Variants in CSMD3 observed in about 807,000 individuals in gnomAD.
CSMD3 encodes CUB and sushi domain-containing protein 3.
CSMD3 carries 177 observed loss-of-function variants against 435.2 expected under a neutral mutation model. The ratio of observed to expected loss-of-function variants is 0.41; its 90% CI spans 0.36 to 0.46. The LOEUF (loss-of-function observed/expected upper bound fraction) is 0.46. CSMD3 is among the 20% of genes least tolerant of loss of function. The probability of loss-of-function intolerance (pLI) is 0.34; values close to 1 mark genes in which losing one functional copy is unlikely to be tolerated. For missense variants in CSMD3, 4,265 were observed against 4,504.6 expected (o/e 0.95, Z 1.52); for synonymous variants, 1,656 against 1,520.5 (o/e 1.09, Z -2.07).
At chr8:112,988,050 G>A (rs2085318592) in intron 6 of CSMD3, among the ~76,000 whole-genome samples, 1 of 151,974 alleles carries the variant, frequency 6.6e-6, no homozygotes, top group Non-Finnish European at 1.5e-5. Context: ...CCTCACTCAG[G>A]CTTATCATGG....
Position 112,224,893 on chromosome 8 carries a change from G to T in CSMD3, c.11002C>A (p.His3668Asn). 6.2e-7 allele frequency: 1 copy of T among 1,614,026 alleles called. No homozygotes were observed. The highest frequency in any genetic ancestry group is 8.5e-7 in the Non-Finnish European group (1 of 1,179,920). ...PKTQYTGCSV[H>N]ENNNGQAAFE... Reference sequence around the variant, plus strand: ...GCTGCTTGGCCATTGTTATTTTCATGAACTGAACATCCTGTATACTGTGTT... The same window carrying T: ...GCTGCTTGGCCATTGTTATTTTCATTAACTGAACATCCTGTATACTGTGTT... Residue 3668 changes from histidine (H) to asparagine (N), a missense_variant, in exon 71 of 71, where the codon CAT becomes AAT. Transcript: ENST00000297405.
chr8:112,363,441 A>G (rs1467289457), intron 38 of CSMD3, among the ~76,000 whole-genome samples: 1 of 151,888 alleles, frequency 6.6e-6, no homozygotes, highest in East Asian at 1.9e-4. Flanking sequence ...ATATATAAAT[A>G]TTTATATAAA....
intron 11 of CSMD3, among the ~76,000 whole-genome samples, chr8:112,855,874 A>G (rs1407108208): frequency 7.5e-6 from 1 of 133,574 alleles, no homozygotes; most frequent in Non-Finnish European, 1.6e-5. Flanking sequence ...GGAATTTCCT[A>G]TTCTAATTCT....
intron 45 of CSMD3, among the ~76,000 whole-genome samples, chr8:112,332,950 A>G (rs1316719222): frequency 6.6e-6 from 1 of 152,164 alleles, no homozygotes; most frequent in Non-Finnish European, 1.5e-5. Flanking sequence ...AAAATTGCCC[A>G]TAGGATTTTT....
intron 3 of CSMD3, among the ~76,000 whole-genome samples, chr8:113,176,793 C>A (rs538736551): frequency 6.6e-6 from 1 of 151,718 alleles, no homozygotes; most frequent in East Asian, 1.9e-4. Flanking sequence ...CTAATGCATG[C>A]TGGGCTCAAT....
chr8:112,762,248 G>A (rs2077857659), intron 13 of CSMD3, among the ~76,000 whole-genome samples: 1 of 151,858 alleles, frequency 6.6e-6, no homozygotes, highest in African/African-American at 2.4e-5. Flanking sequence ...AGAGACTTAA[G>A]TTCTAGTTTT....
Position 112,917,247 on chromosome 8 carries a change from T to G in CSMD3, c.1633+4380A>C, listed in dbSNP as rs78720594. Among the ~76,000 whole-genome samples, 437 of 152,062 alleles carry G rather than the reference T, an allele frequency of 2.9e-3. 4 individuals carry two copies. Among genetic ancestry groups the G allele is most frequent in the African/African-American group, 9.9e-3 (413 of 41,538 alleles). ...GTTGAAGAAGCAAGTCTACTGTCCA[T>G]GAAATGATTAGGGAGCATTGCCAAA... On this transcript the variant is annotated intron_variant, in intron 10 of 70. Transcript: ENST00000297405.
intron 35 of CSMD3, among the ~76,000 whole-genome samples, chr8:112,397,752 T>C (rs571378666): frequency 5.3e-5 from 8 of 152,270 alleles, no homozygotes; most frequent in African/African-American, 1.7e-4. Flanking sequence ...AATACTATCA[T>C]CTTATGGGTT....
At chr8:112,893,846 C>T (rs1348366106) in intron 10 of CSMD3, among the ~76,000 whole-genome samples, 2 of 151,296 alleles carry the variant, frequency 1.3e-5, no homozygotes, top group East Asian at 3.9e-4. Flanking sequence ...AGTGGGTTTA[C>T]AAAGTAATAT....
At chr8:113,337,610 A>C (rs1338751721) in intron 1 of CSMD3, among the ~76,000 whole-genome samples, 1 of 152,092 alleles carries the variant, frequency 6.6e-6, no homozygotes, top group Non-Finnish European at 1.5e-5. Context: ...AGCACAAGAG[A>C]AAATTTAAAA....
chr8:113,300,530 C>CT (rs1007916098), intron 2 of CSMD3, among the ~76,000 whole-genome samples: 1 of 152,118 alleles, frequency 6.6e-6, no homozygotes, highest in African/African-American at 2.4e-5. Context: ...AAATCATGTT[C>CT]TTTGCAGCCA....
Position 112,228,837 on chromosome 8 carries a change from C to A in CSMD3, c.10883G>T (p.Ser3628Ile). 6.3e-7 allele frequency: 1 copy of A among 1,590,424 alleles called. No individual in the cohort carries two copies. The highest frequency in any genetic ancestry group is 8.6e-7 in the Non-Finnish European group (1 of 1,159,262). The change falls in exon 70 of 71, where the codon AGT becomes ATT. Residue 3628 changes from serine (S) to isoleucine (I), a missense_variant. Physicochemically the swap from Ser to Ile is moderately radical, Grantham distance 142 (BLOSUM62 -2). Coordinates refer to ENST00000297405, the MANE Select transcript of CSMD3 (RefSeq NM_198123.2). ...AAGAATAGCAATGGCTACAGAACTA[C>A]TATTTGTACCATGAGGTTGATTTGA... ...NSSNQPHGTN[S>I]SSVAIAILVP...
intron 22 of CSMD3, among the ~76,000 whole-genome samples, chr8:112,628,103 T>C (rs912724209): frequency 6.6e-6 from 1 of 152,180 alleles, no homozygotes; most frequent in African/African-American, 2.4e-5. Context: ...TCTAATTTCA[T>C]TAAATAGGAC....
intron 6 of CSMD3, among the ~76,000 whole-genome samples, chr8:112,997,692 A>G (rs567513023): frequency 2.4e-4 from 37 of 151,728 alleles, no homozygotes; most frequent in Non-Finnish European, 4.7e-4. Context: ...TAAAAGTTTG[A>G]TAGATTGCTT....
At chr8:112,783,969 GAGAT>G (rs2078469724) in intron 13 of CSMD3, among the ~76,000 whole-genome samples, 1 of 151,958 alleles carries the variant, frequency 6.6e-6, no homozygotes, top group African/African-American at 2.4e-5. Flanking sequence ...GCTAAAGAAA[GAGAT>G]AGATTCTAAT....
intron 4 of CSMD3, among the ~76,000 whole-genome samples, chr8:113,168,200 T>A (rs2092191203): frequency 6.6e-6 from 1 of 152,024 alleles, no homozygotes; most frequent in Non-Finnish European, 1.5e-5. Flanking sequence ...AGATGACAGT[T>A]TACAATGGTT....
intron 4 of CSMD3, among the ~76,000 whole-genome samples, chr8:113,169,821 C>A (rs1365523318): frequency 6.6e-6 from 1 of 152,174 alleles, no homozygotes; most frequent in East Asian, 1.9e-4. Context: ...TCTAAAGCTA[C>A]ATCATGTGCC....
intron 35 of CSMD3, among the ~76,000 whole-genome samples, chr8:112,405,163 G>A (rs1831667370): frequency 9.8e-6 from 1 of 102,516 alleles, no homozygotes; most frequent in South Asian, 3.5e-4. Flanking sequence ...CAGCCTGAGC[G>A]ACACAGCAAG....
intron 32 of CSMD3, among the ~76,000 whole-genome samples, chr8:112,463,237 C>A (rs541010163): frequency 6.6e-6 from 1 of 152,278 alleles, no homozygotes; most frequent in African/African-American, 2.4e-5. Context: ...TGGCACATAC[C>A]TGTAATCCCA....
Sources: gnomAD v4.1 joint callset for allele counts (sites outside exome capture counted in the v4.1 genomes callset) on GRCh38, gnomAD v4.1.1 for gene constraint, MANE v1.5 for transcripts, NCBI Gene and HGNC (gene_info 2026-07-23, HGNC 2026-07-21) for gene names.